The following CFAP54 variants were observed in gnomAD, a reference collection of about 807,000 sequenced individuals.
CFAP54 encodes the protein cilia- and flagella-associated protein 54.
A neutral mutation model predicts 370.4 loss-of-function variants in CFAP54; 290 were observed. That is an observed-to-expected ratio of 0.78 (90% CI 0.71 to 0.86). CFAP54 has a LOEUF of 0.86. CFAP54 is among the 40% of genes least tolerant of loss of function. The pLI is 0.00. For missense variants in CFAP54, 3,399 were observed against 3,528.7 expected (o/e 0.96, Z 0.93); for synonymous variants, 1,206 against 1,236.5 (o/e 0.98, Z 0.52).
At chr12:96,574,617 A>C (rs1341676144) in intron 19 of CFAP54, among the ~76,000 whole-genome samples, 2 of 152,084 alleles carry the variant, frequency 1.3e-5, no homozygotes, top group Non-Finnish European at 2.9e-5. Context: ...GCCATTGAGC[A>C]CTATGATCAT....
chr12:96,572,887 G>GTT (rs201942338), intron 19 of CFAP54: 1 of 985,222 alleles, frequency 1.0e-6, no homozygotes, highest in African/African-American at 1.7e-5. Flanking sequence ...AACACAGAAA[G>GTT]TTTTTTTTAC....
intron 55 of CFAP54, among the ~76,000 whole-genome samples, chr12:96,745,605 T>A (rs1222196939): frequency 1.3e-5 from 2 of 152,158 alleles, no homozygotes; most frequent in Non-Finnish European, 2.9e-5. Flanking sequence ...TTGCAAAGAT[T>A]TTCTCCCATT....
At chr12:96,510,679 G>T (rs1020595671) in intron 4 of CFAP54, among the ~76,000 whole-genome samples, 11 of 151,882 alleles carry the variant, frequency 7.2e-5, no homozygotes, top group African/African-American at 2.4e-4. Context: ...TTTTAAAGAT[G>T]AAGAGTAGAG....
intron 50 of CFAP54, among the ~76,000 whole-genome samples, chr12:96,727,461 G>C (rs1403255105): frequency 1.4e-5 from 2 of 143,570 alleles, no homozygotes; most frequent in Admixed American, 6.9e-5. Context: ...GATCTTTGTT[G>C]GTTTAAAGTC....
intron 19 of CFAP54, among the ~76,000 whole-genome samples, chr12:96,570,984 T>A (rs1488190718): frequency 6.6e-6 from 1 of 152,208 alleles, no homozygotes; most frequent in Non-Finnish European, 1.5e-5. Flanking sequence ...TAATCTACTT[T>A]TCATCTTTTT....
intron 14 of CFAP54, among the ~76,000 whole-genome samples, chr12:96,541,287 C>CTTT (rs34387826): frequency 4.4e-5 from 6 of 135,886 alleles, no homozygotes; most frequent in African/African-American, 8.1e-5. Flanking sequence ...CTTTCTCTCC[C>CTTT]TTTTTTTTTT....
At chr12:96,806,315 C>G (rs1958882593) in intron 63 of CFAP54, among the ~76,000 whole-genome samples, 3 of 149,732 alleles carry the variant, frequency 2.0e-5, no homozygotes, top group Admixed American at 6.7e-5. Context: ...ATAGAAGACT[C>G]AGATGGATAA....
chr12:96,644,819 G>A (rs1186849645), intron 33 of CFAP54, among the ~76,000 whole-genome samples: 1 of 152,148 alleles, frequency 6.6e-6, no homozygotes. Flanking sequence ...ACCTGGTCCT[G>A]CCCTTGACAC....
At chr12:96,755,909 G>T (rs557143734) in intron 56 of CFAP54, among the ~76,000 whole-genome samples, 1 of 151,890 alleles carries the variant, frequency 6.6e-6, no homozygotes, top group African/African-American at 2.4e-5. Flanking sequence ...CTTGTGATCC[G>T]CCCTCCTCAG....
At chr12:96,693,206 C>A (rs1408622118) in intron 44 of CFAP54, among the ~76,000 whole-genome samples, 1 of 152,118 alleles carries the variant, frequency 6.6e-6, no homozygotes, top group African/African-American at 2.4e-5. Context: ...GTGCCTAACA[C>A]ATAATAGGCA....
chr12:96,681,864 G>T (rs987259518), intron 40 of CFAP54, among the ~76,000 whole-genome samples: 1 of 152,050 alleles, frequency 6.6e-6, no homozygotes, highest in Non-Finnish European at 1.5e-5. Flanking sequence ...CTCCCAAAGT[G>T]CTGGGATTAT....
At chr12:96,516,194 T>C (rs1472642427) in intron 5 of CFAP54, among the ~76,000 whole-genome samples, 5 of 152,010 alleles carry the variant, frequency 3.3e-5, no homozygotes, top group Non-Finnish European at 5.9e-5. Context: ...GGATTACAGG[T>C]GTGAGCCACT....
At chr12:96,671,220 C>T (rs1409267501) in intron 39 of CFAP54, among the ~76,000 whole-genome samples, 1 of 152,182 alleles carries the variant, frequency 6.6e-6, no homozygotes, top group Non-Finnish European at 1.5e-5. Context: ...GATCCACTCG[C>T]CTTGGCCTCC....
At chr12:96,760,340 T>G (rs368437027) in intron 58 of CFAP54, among the ~76,000 whole-genome samples, 2 of 150,692 alleles carry the variant, frequency 1.3e-5, no homozygotes, top group East Asian at 1.9e-4. Flanking sequence ...CCACAGATGT[T>G]TAGTAAATTT....
rs1003941064 is a variant in CFAP54 at position 96,489,636 on chromosome 12, C to G, written c.27C>G (p.Ser9Arg). The G allele has an allele frequency of 6.5e-7, 1 of 1,527,598 alleles. No individual in the cohort carries two copies. Among genetic ancestry groups the G allele is most frequent in the Non-Finnish European group, 8.8e-7 (1 of 1,140,104 alleles). The allele number at this position is 1,527,598 out of a possible 1,614,324, so 94.6% of individuals were successfully genotyped here. Residue 9 changes from serine to arginine, a missense_variant, in exon 1 of 68, where the codon AGC becomes AGG. Around this residue, in one of 3 missense-constraint regions of CFAP54, gnomAD observed 559 missense variants for 576.7 expected, o/e 0.97. Coordinates refer to ENST00000524981, the MANE Select transcript of CFAP54 (RefSeq NM_001306084.2). The part of the protein sequence containing the change: MAAQGSPS[S>R]SPSDDSTTSG... Reference sequence around the variant, plus strand: ...TGGCGGCGCAGGGCTCCCCCTCGAGCTCTCCGTCAGACGACTCTACCACCT... The same window carrying G: ...TGGCGGCGCAGGGCTCCCCCTCGAGGTCTCCGTCAGACGACTCTACCACCT...
intron 39 of CFAP54, among the ~76,000 whole-genome samples, chr12:96,664,990 A>G (rs1284490710): frequency 6.6e-6 from 1 of 151,066 alleles, no homozygotes; most frequent in African/African-American, 2.4e-5. Flanking sequence ...TTGTTTTTTT[A>G]CTTTTTACTA....
intron 8 of CFAP54, among the ~76,000 whole-genome samples, chr12:96,526,172 G>T (rs893267861): frequency 6.6e-6 from 1 of 152,222 alleles, no homozygotes; most frequent in African/African-American, 2.4e-5. Flanking sequence ...AAATCTTCCA[G>T]CTGGATAAGG....
chr12:96,761,850 C>A (rs1293321084), intron 58 of CFAP54, among the ~76,000 whole-genome samples: 1 of 152,178 alleles, frequency 6.6e-6, no homozygotes, highest in Non-Finnish European at 1.5e-5. Flanking sequence ...ACCTCTAAAT[C>A]TACCTTTACT....
intron 32 of CFAP54, among the ~76,000 whole-genome samples, chr12:96,634,046 CTTTTTTT>C (rs71437232): frequency 6.0e-3 from 341 of 56,850 alleles, no homozygotes; most frequent in African/African-American, 0.021. Context: ...TAGCGAACAT[CTTTTTTT>C]TTTTTTTTTT....
Sources: gnomAD v4.1 joint callset for allele counts (sites outside exome capture counted in the v4.1 genomes callset) on GRCh38, gnomAD v4.1.1 for gene constraint, gnomAD v4.1.1 regional missense constraint, MANE v1.5 for transcripts, NCBI Gene and HGNC (gene_info 2026-07-23, HGNC 2026-07-21) for gene names.